DOCK4: variants seen among roughly 807,000 people sequenced by gnomAD.
The protein encoded by DOCK4 is dedicator of cytokinesis protein 4.
Under a neutral mutation model 268.1 loss-of-function variants are expected in DOCK4, and 97 were observed. The observed-to-expected ratio is 0.36, with a 90% CI of 0.31 to 0.43. The LOEUF is 0.43. Ranked by LOEUF, DOCK4 falls within the 20% of genes least tolerant of loss-of-function variation. The pLI is 1.00. For missense variants in DOCK4, 2,145 were observed against 2,455.7 expected (o/e 0.87, Z 2.67); for synonymous variants, 954 against 887.2 (o/e 1.08, Z -1.34).
At chr7:112,138,081 G>T (rs375628540) in intron 1 of DOCK4, among the ~76,000 whole-genome samples, 1 of 152,022 alleles carries the variant, frequency 6.6e-6, no homozygotes, top group African/African-American at 2.4e-5. Flanking sequence ...CTACTTCTGG[G>T]TCCACTCCAA....
intron 1 of DOCK4, among the ~76,000 whole-genome samples, chr7:112,009,962 G>T (rs1467985320): frequency 6.6e-6 from 1 of 152,050 alleles, no homozygotes; most frequent in South Asian, 2.1e-4. Flanking sequence ...GACTGAAAGC[G>T]TTCGCCACCA....
chr7:111,862,091 G>C (rs1805582910), intron 23 of DOCK4, among the ~76,000 whole-genome samples: 1 of 152,034 alleles, frequency 6.6e-6, no homozygotes, highest in South Asian at 2.1e-4. Context: ...GCAAGGTCAG[G>C]AGTTCGACAG....
chr7:112,083,650 T>C (rs963740846), intron 1 of DOCK4, among the ~76,000 whole-genome samples: 6 of 152,134 alleles, frequency 3.9e-5, no homozygotes, highest in East Asian at 1.9e-4. Context: ...AATCTTCATG[T>C]AGAATTTATC....
chr7:112,151,155 AAGG>A (rs568222385), intron 1 of DOCK4, among the ~76,000 whole-genome samples: 246 of 152,276 alleles, frequency 1.6e-3, no homozygotes, highest in Non-Finnish European at 2.6e-3. Context: ...GCAGTTTTAC[AAGG>A]AGAAGGATTT....
At chr7:111,882,600 T>A (rs1204629748) in intron 16 of DOCK4, among the ~76,000 whole-genome samples, 2 of 152,192 alleles carry the variant, frequency 1.3e-5, no homozygotes. Flanking sequence ...GACTATTATG[T>A]GTGACTCACA....
chr7:112,169,456 T>A (rs1398680018), intron 1 of DOCK4, among the ~76,000 whole-genome samples: 1 of 152,218 alleles, frequency 6.6e-6, no homozygotes, highest in African/African-American at 2.4e-5. Flanking sequence ...CATTTAATTA[T>A]CTGAGGGATA....
chr7:111,838,877 C>A (rs1356087195), intron 25 of DOCK4, among the ~76,000 whole-genome samples: 1 of 151,974 alleles, frequency 6.6e-6, no homozygotes. Flanking sequence ...TCAATTATAC[C>A]TCAATAAAAT....
intron 1 of DOCK4, among the ~76,000 whole-genome samples, chr7:112,128,247 C>T (rs1363146720): frequency 6.6e-6 from 1 of 152,092 alleles, no homozygotes; most frequent in African/African-American, 2.4e-5. Flanking sequence ...AAACTGATCC[C>T]TCTCAGCCCC....
At chr7:111,785,506 G>C (rs1054139086) in intron 32 of DOCK4, among the ~76,000 whole-genome samples, 2 of 152,174 alleles carry the variant, frequency 1.3e-5, no homozygotes, top group African/African-American at 4.8e-5. Flanking sequence ...GATGCAGTAA[G>C]AGCTACATAA....
chr7:112,147,590 A>C lies in DOCK4; in HGVS notation c.37+58512T>G, dbSNP rs140603182. On this transcript the variant is annotated intron_variant, in intron 1 of 52. Coordinates refer to ENST00000428084, the MANE Select transcript of DOCK4 (RefSeq NM_001363540.2). The stretch of plus-strand genomic sequence containing the variant: ...CCTCAAAGGTATTTCCTATAATTGA[A>C]AAGTTTGCCCACTTTCCTGTGTTCA... Among the ~76,000 whole-genome samples, 535 of 152,224 alleles carry C rather than the reference A, an allele frequency of 3.5e-3. 3 individuals carry two copies. The highest frequency in any genetic ancestry group is 0.012 in the African/African-American group (489 of 41,546).
At chr7:112,156,723 T>C (rs1816645084) in intron 1 of DOCK4, among the ~76,000 whole-genome samples, 1 of 152,194 alleles carries the variant, frequency 6.6e-6, no homozygotes, top group South Asian at 2.1e-4. Context: ...CATACTTAAT[T>C]ATATACTTGG....
chr7:111,921,990 A>C (rs1793175115), intron 12 of DOCK4, among the ~76,000 whole-genome samples: 1 of 152,248 alleles, frequency 6.6e-6, no homozygotes, highest in Non-Finnish European at 1.5e-5. Context: ...CTGTATATTG[A>C]GAACAATCCT....
At chr7:112,088,967 T>C (rs1809369742) in intron 1 of DOCK4, among the ~76,000 whole-genome samples, 1 of 152,148 alleles carries the variant, frequency 6.6e-6, no homozygotes, top group African/African-American at 2.4e-5. Flanking sequence ...ATGCTTGTTT[T>C]TATATGTTGT....
intron 1 of DOCK4, among the ~76,000 whole-genome samples, chr7:112,200,000 T>A (rs1305510092): frequency 6.6e-6 from 1 of 152,218 alleles, no homozygotes; most frequent in Non-Finnish European, 1.5e-5. Context: ...ATTAAATTCT[T>A]TGTTAAAATA....
intron 12 of DOCK4, among the ~76,000 whole-genome samples, chr7:111,926,296 G>A (rs1213986188): frequency 2.1e-5 from 3 of 145,588 alleles, no homozygotes; most frequent in African/African-American, 5.3e-5. Context: ...CGAGCATGGT[G>A]GCGCGCCGCC....
chr7:111,898,760 T>A lies in DOCK4; in HGVS notation c.1480+1614A>T, dbSNP rs148090880. Among the ~76,000 whole-genome samples the A allele has an allele frequency of 4.6e-3, 703 of 152,384 alleles. 5 individuals are homozygous for A. Among genetic ancestry groups the A allele is most frequent in the African/African-American group, 0.016 (650 of 41,590 alleles). ...TTTTTCCTTCTTCTTTACATTTTGC[T>A]GTTTCTTCTGACTTTTAATTATGAA... On this transcript the variant is annotated intron_variant, in intron 15 of 52. Coordinates refer to ENST00000428084, the MANE Select transcript of DOCK4 (RefSeq NM_001363540.2).
intron 16 of DOCK4, among the ~76,000 whole-genome samples, chr7:111,894,897 A>T (rs1808610497): frequency 6.6e-6 from 1 of 152,208 alleles, no homozygotes; most frequent in Admixed American, 6.5e-5. Context: ...GAGGGAGACA[A>T]GACCCAGGTC....
At chr7:111,818,370 A>G (rs535949912) in intron 27 of DOCK4, among the ~76,000 whole-genome samples, 1 of 152,270 alleles carries the variant, frequency 6.6e-6, no homozygotes, top group South Asian at 2.1e-4. Context: ...TATGTTCAAC[A>G]TGGAATTCTT....
chr7:111,880,798 A>T (rs1031030146), intron 16 of DOCK4, among the ~76,000 whole-genome samples: 4 of 152,192 alleles, frequency 2.6e-5, no homozygotes, highest in African/African-American at 9.6e-5. Context: ...TTTTTCGACA[A>T]AGGTGCCAAG....
Sources: gnomAD v4.1 joint callset for allele counts (sites outside exome capture counted in the v4.1 genomes callset) on GRCh38, gnomAD v4.1.1 for gene constraint, MANE v1.5 for transcripts, NCBI Gene and HGNC (gene_info 2026-07-23, HGNC 2026-07-21) for gene names.